The following EP300 variants were observed in gnomAD, a reference collection of about 807,000 sequenced individuals.
EP300 encodes EP300 lysine acetyltransferase, also known as histone acetyltransferase p300.
In EP300, 31 loss-of-function variants were observed where a neutral mutation model predicts 264.0. That is an observed-to-expected ratio of 0.12 (90% CI 0.09 to 0.16). The LOEUF is 0.16. EP300 is among the 10% of genes least tolerant of loss of function. EP300 has a pLI of 1.00. For synonymous variants in EP300, 1,340 were observed against 1,045.4 expected, an observed-to-expected ratio of 1.28 and a Z score of -5.44; for missense variants, 2,766 against 3,052.9, an observed-to-expected ratio of 0.91 and a Z score of 2.21.
At chr22:41,104,984 G>A (rs1396038426) in intron 1 of EP300, among the ~76,000 whole-genome samples, 3 of 151,994 alleles carry the variant, frequency 2.0e-5, no homozygotes, top group African/African-American at 7.2e-5. Flanking sequence ...GTAACACGGT[G>A]TAACCCCGTC....
chr22:41,142,962 C>T (rs957942908), intron 10 of EP300, among the ~76,000 whole-genome samples: 1 of 151,892 alleles, frequency 6.6e-6, no homozygotes, highest in Admixed American at 6.6e-5. Context: ...AAGTTCTGAG[C>T]CAAGTTTAAA....
Position 41,130,062 on chromosome 22 carries a change from A to G in EP300, c.1282+59A>G. ...AAAGTTTTAAAGTCTCACCAGTGCC[A>G]TTTATAGTACTACTTGATTATGTGA... On this transcript the variant is annotated intron_variant, in intron 5 of 30. Transcript: ENST00000263253. 4 of 1,228,216 alleles carry G rather than the reference A, an allele frequency of 3.3e-6. No individual in the cohort carries two copies. The East Asian group carries it at 9.4e-5, about 29-fold the overall frequency. The allele number at this position is 1,228,216 out of a possible 1,614,324, so 76.1% of individuals were successfully genotyped here. A position where few individuals can be genotyped will look rare whatever the true frequency, so the allele number is the denominator to read the frequency against.
At chr22:41,147,012 A>G (rs1013711379) in intron 11 of EP300, among the ~76,000 whole-genome samples, 196 bp downstream of exon 11, 7 of 152,176 alleles carry the variant, frequency 4.6e-5, no homozygotes, top group Admixed American at 2.6e-4. Context: ...ATCCATTAAA[A>G]AACAACTGCA....
intron 10 of EP300, 104 bp downstream of exon 10, chr22:41,141,326 T>C: frequency 1.6e-6 from 2 of 1,287,760 alleles, no homozygotes; most frequent in Non-Finnish European, 2.2e-6. Flanking sequence ...TTCTAGAGTT[T>C]TTTAAATAAC....
intron 1 of EP300, among the ~76,000 whole-genome samples, chr22:41,094,449 C>T (rs890951040): frequency 2.0e-5 from 3 of 152,164 alleles, no homozygotes; most frequent in African/African-American, 7.2e-5. Flanking sequence ...TTAAGTTAAC[C>T]TGCAAAAATT....
chr22:41,108,987 C>A (rs1372507241), intron 1 of EP300, among the ~76,000 whole-genome samples: 2 of 152,092 alleles, frequency 1.3e-5, no homozygotes, highest in African/African-American at 4.8e-5. Flanking sequence ...AAAATACTTG[C>A]TGGCCCAGCG....
rs2145665558 is a variant in EP300 at position 41,093,043 on chromosome 22, C to G, written c.39C>G (p.Ala13=). ...TGGTGGAACCGGGGCCGCCTTCAGC[C>G]AAGCGGCCTAAACTCTCATCTCCGG... ...ENVVEPGPPS[A]KRPKLSSPAL... Residue 13 remains alanine (A), a synonymous_variant, in exon 1 of 31, where the codon GCC becomes GCG. Transcript: ENST00000263253. The G allele has an allele frequency of 2.5e-6, 4 of 1,614,154 alleles. No individual in the cohort carries two copies. The highest frequency in any genetic ancestry group is 3.4e-6 in the Non-Finnish European group (4 of 1,180,038).
rs1311541589 is a variant in EP300, at chr22:41,127,005, A to G, written c.907-482A>G. On this transcript the variant is annotated intron_variant, in intron 3 of 30. Transcript: ENST00000263253. The stretch of plus-strand genomic sequence containing the variant: ...GTGATCCGCCTGCCTCGGCCTCCCA[A>G]CGTGCTAGGGTTACAGGCGTGAGCC... 1.3e-4 allele frequency among the ~76,000 whole-genome samples: 20 copies of G among 151,884 alleles called. 1 individual carries two copies. The highest frequency in any genetic ancestry group is 1.0e-3 in the Admixed American group (16 of 15,264).
chr22:41,105,649 G>C (rs2267425), intron 1 of EP300, among the ~76,000 whole-genome samples: 81,985 of 151,760 alleles, frequency 0.54, 24,115 homozygotes, highest in Admixed American at 0.72. Context: ...CACCCACCTC[G>C]GCCTCCCAAA....
At chr22:41,098,952 C>T (rs1284261077) in intron 1 of EP300, among the ~76,000 whole-genome samples, 1 of 152,152 alleles carries the variant, frequency 6.6e-6, no homozygotes, top group Non-Finnish European at 1.5e-5. Context: ...TTCTCTTTAT[C>T]AGATGCTTAG....
intron 6 of EP300, 67 bp downstream of exon 6, chr22:41,131,700 G>A (rs1432673887): frequency 1.2e-5 from 19 of 1,605,488 alleles, no homozygotes; most frequent in Admixed American, 1.7e-5. Context: ...TAAACACAGT[G>A]TTGTTAGCTC....
intron 9 of EP300, among the ~76,000 whole-genome samples, chr22:41,140,545 G>A (rs1005270787): frequency 1.3e-5 from 2 of 152,136 alleles, no homozygotes; most frequent in African/African-American, 4.8e-5. Flanking sequence ...GTGGCTCGGT[G>A]CCTGTAATCC....
intron 21 of EP300, among the ~76,000 whole-genome samples, chr22:41,163,434 CAAAA>C (rs763502729): frequency 6.7e-5 from 3 of 44,994 alleles, no homozygotes; most frequent in Non-Finnish European, 4.5e-5. Flanking sequence ...GACTCCGTCT[CAAAA>C]AAAAAAAAAA....
chr22:41,129,730 CTG>C (rs1269411573), intron 4 of EP300, among the ~76,000 whole-genome samples, 158 bp from the exon 5 acceptor site: 1 of 152,122 alleles, frequency 6.6e-6, no homozygotes, highest in Non-Finnish European at 1.5e-5. Context: ...CCTTTCTTGA[CTG>C]TGAATTCTGA....
At chr22:41,152,779 C>T (rs1007967534) in intron 16 of EP300, among the ~76,000 whole-genome samples, 1 of 149,790 alleles carries the variant, frequency 6.7e-6, no homozygotes, top group Non-Finnish European at 1.5e-5. Flanking sequence ...TGTTTGGAAT[C>T]GGATTCTCAC....
chr22:41,116,131 A>G (rs988506889), intron 1 of EP300, among the ~76,000 whole-genome samples: 1 of 152,234 alleles, frequency 6.6e-6, no homozygotes, highest in Non-Finnish European at 1.5e-5. Flanking sequence ...CAACTCATGT[A>G]ATAATGGGTG....
intron 29 of EP300, 179 bp from the exon 30 acceptor site, chr22:41,176,068 A>C (rs1434200242): frequency 7.2e-6 from 5 of 697,570 alleles, no homozygotes; most frequent in Non-Finnish European, 1.2e-5. Context: ...AAAAATGCAG[A>C]AATTAGCCAG....
At position 41,092,833 on chromosome 22, in the gene EP300, C is replaced by T. The variant is rs987194074; in HGVS notation, c.-172C>T. The stretch of plus-strand genomic sequence containing the variant: ...CTTACCTTTTCTATCGAGTCCGCAT[C>T]CCTCTCCAGCCACTGCGACCCGGCG... On this transcript the variant is annotated 5_prime_UTR_variant, in exon 1 of 31. Coordinates refer to ENST00000263253, the MANE Select transcript of EP300 (RefSeq NM_001429.4). 2.0e-5 allele frequency: 15 copies of T among 746,420 alleles called. No individual in the cohort carries two copies. The highest frequency in any genetic ancestry group is 1.0e-4 in the East Asian group (4 of 39,074). 46.2% of individuals were successfully genotyped at this position (746,420 alleles called of 1,614,324 possible).
intron 2 of EP300, among the ~76,000 whole-genome samples, chr22:41,118,396 A>G (rs1218523799): frequency 2.0e-5 from 3 of 152,236 alleles, no homozygotes; most frequent in Non-Finnish European, 2.9e-5. Flanking sequence ...TTAAACTTTT[A>G]AATGTGGATC....
Sources: allele counts gnomAD v4.1 joint callset (sites outside exome capture counted in the v4.1 genomes callset), GRCh38; gene constraint gnomAD v4.1.1; transcripts MANE v1.5; gene names NCBI Gene and HGNC (gene_info 2026-07-23, HGNC 2026-07-21).